The following DDR2 variants were observed in gnomAD, a reference collection of about 807,000 sequenced individuals.
The protein encoded by DDR2 is discoidin domain-containing receptor 2.
In DDR2, 27 loss-of-function variants were observed where a neutral mutation model predicts 94.9. The observed-to-expected ratio is 0.28, with a 90% CI of 0.21 to 0.39. The LOEUF (loss-of-function observed/expected upper bound fraction) is 0.39, where lower values mean the gene tolerates loss of function less well. Ranked by LOEUF, DDR2 falls within the 10% of genes least tolerant of loss-of-function variation. DDR2 has a pLI of 1.00. For missense variants in DDR2, 783 were observed against 1,076.0 expected (o/e 0.73, Z 3.81); for synonymous variants, 382 against 377.2 (o/e 1.01, Z -0.15).
chr1:162,701,508 T>C (rs900436724), intron 2 of DDR2, among the ~76,000 whole-genome samples: 1 of 152,260 alleles, frequency 6.6e-6, no homozygotes. Context: ...AGCTCATGAG[T>C]ATCCATTTGC....
At chr1:162,686,852 A>T (rs1373038265) in intron 2 of DDR2, among the ~76,000 whole-genome samples, 1 of 152,224 alleles carries the variant, frequency 6.6e-6, no homozygotes, top group Non-Finnish European at 1.5e-5. Context: ...TACTGGGATT[A>T]CAGGCATGAG....
chr1:162,750,557 T>C (rs1320425303), intron 3 of DDR2, among the ~76,000 whole-genome samples: 2 of 152,194 alleles, frequency 1.3e-5, no homozygotes, highest in African/African-American at 2.4e-5. Context: ...ATCGTGGAAA[T>C]GGCCATACTG....
intron 2 of DDR2, among the ~76,000 whole-genome samples, chr1:162,715,986 T>C (rs1405832005): frequency 6.6e-6 from 1 of 152,206 alleles, no homozygotes; most frequent in African/African-American, 2.4e-5. Context: ...TTTGGCTTAG[T>C]TCAGTTAAAA....
chr1:162,786,233 A>G lies in DDR2; in HGVS notation c.*5987A>G, dbSNP rs1038613558. The G allele has an allele frequency of 2.0e-5, 3 of 152,158 alleles. No individual in the cohort carries two copies. The highest frequency in any genetic ancestry group is 7.2e-5 in the African/African-American group (3 of 41,422). 9.4% of individuals were successfully genotyped at this position (152,158 alleles called of 1,614,324 possible). A position where few individuals can be genotyped will look rare whatever the true frequency, so the allele number is the denominator to read the frequency against. On this transcript the variant is annotated 3_prime_UTR_variant, in exon 18 of 18. Transcript: ENST00000367921. ...CTAGCCTATCCATTATATGTCCTTT[A>G]TTATTCATGATATCCTATTCTTCTA...
At chr1:162,720,123 T>G (rs1661351999) in intron 3 of DDR2, among the ~76,000 whole-genome samples, 2 of 151,108 alleles carry the variant, frequency 1.3e-5, no homozygotes, top group Admixed American at 1.3e-4. Context: ...AGGTCTGGGA[T>G]GCAGGTATTG....
At chr1:162,703,624 C>T (rs1031433849) in intron 2 of DDR2, among the ~76,000 whole-genome samples, 1 of 152,116 alleles carries the variant, frequency 6.6e-6, no homozygotes, top group African/African-American at 2.4e-5. Context: ...TCTTGATCAC[C>T]TGTCTGTGGA....
chr1:162,769,109 C>T (rs751952445), intron 11 of DDR2, among the ~76,000 whole-genome samples: 24 of 152,206 alleles, frequency 1.6e-4, no homozygotes, highest in Non-Finnish European at 3.4e-4. Context: ...ATTTACCATA[C>T]TTCTCTGAGT....
chr1:162,678,013 G>A (rs188075602), intron 2 of DDR2, among the ~76,000 whole-genome samples: 1 of 152,244 alleles, frequency 6.6e-6, no homozygotes, highest in East Asian at 1.9e-4. Flanking sequence ...AACTTGTAGG[G>A]AAGAGGGAGA....
At chr1:162,634,246 G>A (rs1047656639) in intron 1 of DDR2, among the ~76,000 whole-genome samples, 5 of 152,308 alleles carry the variant, frequency 3.3e-5, no homozygotes, top group Admixed American at 3.3e-4. Flanking sequence ...CCTTTGTTAT[G>A]CAAAGAGCCT....
chr1:162,706,202 G>C (rs1660655140), intron 2 of DDR2, among the ~76,000 whole-genome samples: 1 of 152,098 alleles, frequency 6.6e-6, no homozygotes, highest in Non-Finnish European at 1.5e-5. Flanking sequence ...GCCATTCCTG[G>C]ACACTGCAGA....
Position 162,765,664 on chromosome 1 carries a change from A to G in DDR2, c.1100-337A>G, listed in dbSNP as rs559534545. Among the ~76,000 whole-genome samples, 4 of 151,536 alleles carry G rather than the reference A, an allele frequency of 2.6e-5. 1 individual carries two copies. The South Asian group carries it at 6.3e-4, about 24-fold the overall frequency. ...TCTGTCCCTTGCCCATTTACCCGCT[A>G]TATTCTGTCTATATTTTCACTGAAT... On this transcript the variant is annotated intron_variant, in intron 9 of 17. Transcript: ENST00000367921.
intron 16 of DDR2, among the ~76,000 whole-genome samples, chr1:162,777,243 G>A (rs568655828): frequency 6.6e-6 from 1 of 151,890 alleles, no homozygotes; most frequent in African/African-American, 2.4e-5. Context: ...TTCTATGCAT[G>A]CAATTTTTTT....
At chr1:162,702,247 T>G (rs1660466230) in intron 2 of DDR2, among the ~76,000 whole-genome samples, 2 of 152,194 alleles carry the variant, frequency 1.3e-5, no homozygotes, top group South Asian at 4.1e-4. Context: ...CACTCTGTCT[T>G]CCTTCTTGGA....
At chr1:162,707,019 A>C (rs548382472) in intron 2 of DDR2, among the ~76,000 whole-genome samples, 1 of 152,206 alleles carries the variant, frequency 6.6e-6, no homozygotes, top group East Asian at 1.9e-4. Flanking sequence ...AGGGGTAGGG[A>C]CCAGGAAAAG....
intron 1 of DDR2, among the ~76,000 whole-genome samples, chr1:162,644,899 C>G (rs1188122218): frequency 1.3e-5 from 2 of 152,150 alleles, no homozygotes; most frequent in Non-Finnish European, 2.9e-5. Flanking sequence ...CCCAGCCAAC[C>G]ACACTTCTTA....
intron 7 of DDR2, among the ~76,000 whole-genome samples, chr1:162,756,270 G>A (rs1317189852): frequency 1.3e-5 from 2 of 152,200 alleles, no homozygotes; most frequent in African/African-American, 4.8e-5. Context: ...AATTGTAGCA[G>A]AGGAAGGTAG....
chr1:162,694,328 G>T (rs369445918), intron 2 of DDR2, among the ~76,000 whole-genome samples: 1 of 152,050 alleles, frequency 6.6e-6, no homozygotes, highest in Non-Finnish European at 1.5e-5. Flanking sequence ...CGTACACTCC[G>T]TGCTTGAGCC....
chr1:162,642,009 G>T (rs1236148422), intron 1 of DDR2, among the ~76,000 whole-genome samples: 1 of 152,092 alleles, frequency 6.6e-6, no homozygotes, highest in Admixed American at 6.6e-5. Flanking sequence ...AGAGTGCAGT[G>T]GCGGGATCTC....
chr1:162,734,779 A>T (rs1391164919), intron 3 of DDR2, among the ~76,000 whole-genome samples: 2 of 152,220 alleles, frequency 1.3e-5, no homozygotes, highest in Non-Finnish European at 2.9e-5. Flanking sequence ...ATAGCCAGAG[A>T]TGAGGCCAGA....
Sources: gnomAD v4.1 joint callset for allele counts (sites outside exome capture counted in the v4.1 genomes callset) on GRCh38, gnomAD v4.1.1 for gene constraint, MANE v1.5 for transcripts, NCBI Gene and HGNC (gene_info 2026-07-23, HGNC 2026-07-21) for gene names.